Variants in PPFIBP2 observed in about 807,000 individuals in gnomAD.
PPFIBP2 encodes PPFIB scaffold protein 2.
A neutral mutation model predicts 118.3 loss-of-function variants in PPFIBP2; 118 were observed. The ratio of observed to expected loss-of-function variants is 1.00; its 90% CI spans 0.86 to 1.16. The LOEUF (loss-of-function observed/expected upper bound fraction) is 1.16. PPFIBP2 is among the 50% of genes most tolerant of loss of function. The pLI is 0.00. For missense variants in PPFIBP2, 1,195 were observed against 1,073.1 expected, an observed-to-expected ratio of 1.11 and a Z score of -1.59; for synonymous variants, 414 against 397.4, an observed-to-expected ratio of 1.04 and a Z score of -0.50.
rs376444430 is a variant in PPFIBP2, at chr11:7,610,392, A to G, written c.588A>G (p.Arg196=). ...LKLVGMEKEQ[R]EQEEKQRKAE... The stretch of plus-strand genomic sequence containing the variant: ...TGGTTGGCATGGAGAAGGAGCAGAG[A>G]GAGCAGGAGGAGAAGCAGAGAAAAG... The change falls in exon 6 of 24, where the codon AGA becomes AGG. Residue 196 remains arginine, a synonymous_variant. Transcript: ENST00000299492. 5.0e-6 allele frequency: 8 copies of G among 1,614,016 alleles called. No homozygotes were observed. The African/African-American group carries it at 6.7e-5, about 13-fold the overall frequency.
chr11:7,594,959 A>C (rs903267318), intron 4 of PPFIBP2, among the ~76,000 whole-genome samples: 7 of 151,334 alleles, frequency 4.6e-5, no homozygotes, highest in African/African-American at 1.7e-4. Flanking sequence ...GTGTGAATTG[A>C]CAATAAGCCA....
At chr11:7,549,074 G>A (rs1190041421) in intron 1 of PPFIBP2, among the ~76,000 whole-genome samples, 1 of 152,206 alleles carries the variant, frequency 6.6e-6, no homozygotes, top group Non-Finnish European at 1.5e-5. Context: ...TCCCTGTTAG[G>A]TGTGCTGCTC....
At chr11:7,597,896 C>G (rs976390735) in intron 5 of PPFIBP2, 2 of 497,684 alleles carry the variant, frequency 4.0e-6, no homozygotes, top group Admixed American at 6.6e-5. Flanking sequence ...AGATGAATAA[C>G]CTGCTGAGCT....
chr11:7,521,805 T>C (rs2035482912), intron 1 of PPFIBP2, among the ~76,000 whole-genome samples: 1 of 152,122 alleles, frequency 6.6e-6, no homozygotes, highest in African/African-American at 2.4e-5. Context: ...AGGGGCTGGT[T>C]ATTTCGTATG....
Position 7,651,648 on chromosome 11 carries a change from C to T in PPFIBP2, c.2248-8C>T, listed in dbSNP as rs987887367. 1.9e-6 allele frequency: 3 copies of T among 1,593,810 alleles called. No individual in the cohort carries two copies. Among genetic ancestry groups the T allele is most frequent in the Admixed American group, 1.7e-5 (1 of 59,284 alleles). ...TCCTGGCCAGGCTTGTCTCTGGTTCCTTCTTAGATCCTGGAGCCACGCTTC... is the reference window on the plus strand; with the variant it reads ...TCCTGGCCAGGCTTGTCTCTGGTTCTTTCTTAGATCCTGGAGCCACGCTTC... On this transcript the variant is annotated splice_polypyrimidine_tract_variant and splice_region_variant and intron_variant, in intron 22 of 23. Coordinates refer to ENST00000299492, the MANE Select transcript of PPFIBP2 (RefSeq NM_003621.5).
downstream of PPFIBP2, among the ~76,000 whole-genome samples, chr11:7,654,740 A>T (rs890824695): frequency 6.6e-6 from 1 of 152,234 alleles, no homozygotes; most frequent in African/African-American, 2.4e-5. Context: ...ATGTTGCGGT[A>T]CAGGGATCTC....
chr11:7,649,319 T>C, intron 20 of PPFIBP2, 84 bp downstream of exon 20: 1 of 1,349,574 alleles, frequency 7.4e-7, no homozygotes, highest in Admixed American at 1.8e-5. Context: ...TTAAACTTGA[T>C]TCCATATATT....
chr11:7,620,289 G>A (rs11041484), intron 6 of PPFIBP2, among the ~76,000 whole-genome samples: 62,482 of 151,884 alleles, frequency 0.41, 13,724 homozygotes, highest in Non-Finnish European at 0.48. Flanking sequence ...CTTCCACTGT[G>A]TGCCTACACC....
intron 10 of PPFIBP2, 40 bp downstream of exon 10, chr11:7,629,574 A>G: frequency 6.3e-7 from 1 of 1,595,810 alleles, no homozygotes; most frequent in Non-Finnish European, 8.6e-7. Flanking sequence ...TCTGAAAGAT[A>G]TTCCATCAGC....
intron 15 of PPFIBP2, among the ~76,000 whole-genome samples, 173 bp downstream of exon 15, chr11:7,640,043 G>A (rs1294466180): frequency 6.6e-6 from 1 of 152,044 alleles, no homozygotes; most frequent in Admixed American, 6.5e-5. Context: ...GCTCCCCCTG[G>A]GCGAGCTGTT....
At chr11:7,603,819 G>A (rs1846975611) in intron 5 of PPFIBP2, among the ~76,000 whole-genome samples, 1 of 152,006 alleles carries the variant, frequency 6.6e-6, no homozygotes, top group African/African-American at 2.4e-5. Context: ...TTATTACCCA[G>A]TTTCATGGTC....
intron 1 of PPFIBP2, among the ~76,000 whole-genome samples, chr11:7,521,984 C>A (rs80247522): frequency 0.016 from 2,445 of 152,094 alleles, 29 homozygotes; most frequent in Middle Eastern, 0.061. Context: ...AAAGTTGGAG[C>A]TATATAATTT....
At chr11:7,634,961 T>C (rs75107167) in intron 13 of PPFIBP2, among the ~76,000 whole-genome samples, 10,378 of 152,052 alleles carry the variant, frequency 0.068, 1,018 homozygotes, top group African/African-American at 0.22. Flanking sequence ...TAATGATGAA[T>C]TAATGTGAAT....
Position 7,648,398 on chromosome 11 carries a change from C to T in PPFIBP2, c.1658C>T (p.Ala553Val). 6.2e-7 allele frequency: 1 copy of T among 1,611,590 alleles called. No homozygotes were observed. The highest frequency in any genetic ancestry group is 8.5e-7 in the Non-Finnish European group (1 of 1,177,984). ...DSKGQKSDAN[A>V]PFAQWSTERV... is the part of the protein sequence containing the mutation. ...TTCCTGCTTCCCAGTGACGCCAATG[C>T]CCCCTTTGCCCAGTGGAGCACAGAG... The change falls in exon 18 of 24, where the codon GCC becomes GTC. Residue 553 changes from alanine to valine, a missense_variant. Transcript: ENST00000299492.
intron 5 of PPFIBP2, among the ~76,000 whole-genome samples, chr11:7,606,834 A>T (rs142438963): frequency 1.3e-5 from 2 of 151,746 alleles, no homozygotes; most frequent in East Asian, 3.9e-4. Flanking sequence ...AACTTTAAAA[A>T]ATCACATCAA....
intron 7 of PPFIBP2, among the ~76,000 whole-genome samples, chr11:7,621,979 A>G (rs1028289789): frequency 5.3e-5 from 8 of 152,252 alleles, no homozygotes; most frequent in Non-Finnish European, 7.3e-5. Context: ...AGGCACTACC[A>G]TTGCTAATAT....
intron 5 of PPFIBP2, chr11:7,605,726 T>G: frequency 7.4e-7 from 1 of 1,347,952 alleles, no homozygotes; most frequent in Non-Finnish European, 9.5e-7. Flanking sequence ...ACTAAGTAAC[T>G]AGTGGCCGCA....
chr11:7,538,951 G>A (rs533011060), intron 1 of PPFIBP2, among the ~76,000 whole-genome samples: 2 of 152,136 alleles, frequency 1.3e-5, no homozygotes, highest in African/African-American at 2.4e-5. Context: ...CCTTGTATGC[G>A]CCAAATATTT....
rs577072787 is a variant in PPFIBP2 at position 7,647,515 on chromosome 11, C to T, written c.1647-872C>T. On this transcript the variant is annotated intron_variant, in intron 17 of 23. Transcript: ENST00000299492. ...CCACACATAATCACACAAGGCCAAACATCTCTTGTTAAGGCAATTCCTAGA... is the reference window on the plus strand; with the variant it reads ...CCACACATAATCACACAAGGCCAAATATCTCTTGTTAAGGCAATTCCTAGA... Among the ~76,000 whole-genome samples, 36 of 152,316 alleles carry T rather than the reference C, an allele frequency of 2.4e-4. No individual in the cohort carries two copies. In the South Asian group the frequency reaches 6.8e-3, roughly 29 times the overall value.
Sources: allele counts gnomAD v4.1 joint callset (sites outside exome capture counted in the v4.1 genomes callset), GRCh38; gene constraint gnomAD v4.1.1; transcripts MANE v1.5; gene names NCBI Gene and HGNC (gene_info 2026-07-23, HGNC 2026-07-21).